The following CNKSR2 variants were observed in gnomAD, a reference collection of about 807,000 sequenced individuals.
The protein encoded by CNKSR2 is connector enhancer of kinase suppressor of Ras 2.
Under a neutral mutation model 84.4 loss-of-function variants are expected in CNKSR2, and 14 were observed. The ratio of observed to expected loss-of-function variants is 0.17; its 90% confidence interval spans 0.11 to 0.26. The LOEUF (loss-of-function observed/expected upper bound fraction) is 0.26. Among genes scored for constraint, CNKSR2 ranks in the 10% least tolerant of loss-of-function variants. CNKSR2 has a pLI of 1.00. For synonymous variants in CNKSR2, 275 were observed against 277.9 expected, an observed-to-expected ratio of 0.99 and a Z score of 0.10; for missense variants, 485 against 771.2, an observed-to-expected ratio of 0.63 and a Z score of 4.40.
At chrX:21,621,169 A>T (rs1390039990) in intron 20 of CNKSR2, among the ~76,000 whole-genome samples, 2 of 110,221 alleles carry the variant, frequency 1.8e-5, no homozygotes, top group Non-Finnish European at 3.8e-5. Context: ...CCTCATCTGG[A>T]CTCCTTGTTT....
At position 21,440,698 on chromosome X, in the gene CNKSR2, C is replaced by G. The variant is rs2090771770; in HGVS notation, c.436C>G (p.Pro146Ala). 2.6e-6 allele frequency: 3 copies of G among 1,169,049 alleles called. No homozygotes were observed. The highest frequency in any genetic ancestry group is 2.3e-5 in the Admixed American group (1 of 43,403). The change falls in exon 4 of 22, where the codon CCA becomes GCA. Residue 146 changes from proline (P) to alanine (A), a missense_variant. Physicochemically the swap from Pro to Ala is conservative, Grantham distance 27 (BLOSUM62 -1). Coordinates refer to ENST00000379510, the MANE Select transcript of CNKSR2 (RefSeq NM_014927.5). ...KSLLAWLDRSPFAAVTDYSVT... is the reference protein window; with the variant it reads ...KSLLAWLDRSAFAAVTDYSVT... ...ATTTTCCTTTTCCCTTTATAGGTCA[C>G]CATTTGCTGCTGTGACAGACTATTC... is the stretch of plus-strand genomic sequence containing the variant.
chrX:21,390,449 G>T (rs1204397359), intron 1 of CNKSR2, among the ~76,000 whole-genome samples: 4 of 111,228 alleles, frequency 3.6e-5, no homozygotes, highest in African/African-American at 9.8e-5. Context: ...GGAAGGTGAA[G>T]GGGAAGCAGG....
At chrX:21,439,303 C>T (rs1049347573) in intron 3 of CNKSR2, among the ~76,000 whole-genome samples, 6 of 111,174 alleles carry the variant, frequency 5.4e-5, no homozygotes, top group African/African-American at 2.0e-4. Flanking sequence ...AAAAGTAATA[C>T]ATTGAACAGA....
At chrX:21,599,169 C>G (rs2092466609) in intron 17 of CNKSR2, among the ~76,000 whole-genome samples, 1 of 112,283 alleles carries the variant, frequency 8.9e-6, no homozygotes, top group South Asian at 3.6e-4. Context: ...TTATTTATTT[C>G]CGTATCCCTA....
intron 21 of CNKSR2, among the ~76,000 whole-genome samples, chrX:21,649,408 A>T (rs781260504): frequency 1.8e-5 from 2 of 112,493 alleles, no homozygotes; most frequent in African/African-American, 6.5e-5. Flanking sequence ...TGCAGAATAC[A>T]ATAGTGGGTG....
chrX:21,505,457 A>G (rs2091603385), intron 8 of CNKSR2: 1 of 111,492 alleles, frequency 9.0e-6, no homozygotes, highest in South Asian at 3.8e-4. Flanking sequence ...TTAGTGAGAG[A>G]TGGAAGATAA....
At chrX:21,455,515 A>G (rs980556031) in intron 4 of CNKSR2, among the ~76,000 whole-genome samples, 1 of 112,164 alleles carries the variant, frequency 8.9e-6, no homozygotes, top group African/African-American at 3.2e-5. Context: ...CCATTCTGTA[A>G]TGAAGATTAC....
At chrX:21,411,903 C>T (rs2090351006) in intron 1 of CNKSR2, among the ~76,000 whole-genome samples, 1 of 111,453 alleles carries the variant, frequency 9.0e-6, no homozygotes, top group East Asian at 2.8e-4. Flanking sequence ...TCTTTACTCC[C>T]TAGAATAATG....
Position 21,561,339 on chromosome X carries a change from C to G in CNKSR2, c.1304-132C>G, listed in dbSNP as rs1308127753. 5 of 538,439 alleles carry G rather than the reference C, an allele frequency of 9.3e-6. No homozygotes were observed. In the African/African-American group the frequency reaches 9.5e-5, roughly 10 times the overall value. The allele number at this position is 538,439 out of a possible 1,213,427, so 44.4% of individuals were successfully genotyped here. On this transcript the variant is annotated intron_variant, in intron 11 of 21. Transcript: ENST00000379510. ...CTGGCTCAAAACACATTTTCTCCAT[C>G]TACACAAATGCCAACCATAATGTTG...
At position 21,426,680 on chromosome X, in the gene CNKSR2, G is replaced by T; in HGVS notation, c.228+20G>T. 13 of 1,164,187 alleles carry T rather than the reference G, an allele frequency of 1.1e-5. No homozygotes were observed. The highest frequency in any genetic ancestry group is 1.4e-5 in the Non-Finnish European group (12 of 877,351). The stretch of plus-strand genomic sequence containing the variant: ...GCATTGGTAAGGACATAAAACTGGT[G>T]AAGAGGGAAACTTCTCTTTTTCTTC... On this transcript the variant is annotated intron_variant, in intron 2 of 21. Transcript: ENST00000379510.
At chrX:21,501,497 C>T (rs367989603) in intron 7 of CNKSR2, 23 bp from the exon 8 acceptor site, 50 of 1,043,033 alleles carry the variant, frequency 4.8e-5, no homozygotes, top group Non-Finnish European at 6.2e-5. Flanking sequence ...TGTTCTTTAT[C>T]GTTTCTTTTA....
At chrX:21,406,073 G>A (rs1387490227) in intron 1 of CNKSR2, among the ~76,000 whole-genome samples, 1 of 110,968 alleles carries the variant, frequency 9.0e-6, no homozygotes, top group Non-Finnish European at 1.9e-5. Context: ...TAGGAAAATG[G>A]GCGGCACAGC....
At chrX:21,472,117 A>G (rs943572823) in intron 5 of CNKSR2, among the ~76,000 whole-genome samples, 2 of 111,495 alleles carry the variant, frequency 1.8e-5, no homozygotes, top group African/African-American at 6.5e-5. Flanking sequence ...AAATTGTACT[A>G]TCTTTTTTCC....
chrX:21,627,549 T>TA (rs1370531029), intron 20 of CNKSR2, among the ~76,000 whole-genome samples: 1 of 111,453 alleles, frequency 9.0e-6, no homozygotes, highest in Non-Finnish European at 1.9e-5. Context: ...TTAATGGACT[T>TA]ACAGTGCCAC....
At chrX:21,448,577 A>G (rs1369086995) in intron 4 of CNKSR2, among the ~76,000 whole-genome samples, 4 of 112,143 alleles carry the variant, frequency 3.6e-5, no homozygotes, top group African/African-American at 9.7e-5. Flanking sequence ...CAAATAAATT[A>G]TAGTTACTAT....
At chrX:21,544,989 CAGG>C (rs757780972) in intron 11 of CNKSR2, among the ~76,000 whole-genome samples, 3 of 111,405 alleles carry the variant, frequency 2.7e-5, no homozygotes, top group African/African-American at 9.8e-5. Context: ...AAGCTAGCTG[CAGG>C]AGTTTTTTCC....
intron 11 of CNKSR2, among the ~76,000 whole-genome samples, chrX:21,549,128 A>G (rs987662964): frequency 1.8e-5 from 2 of 112,572 alleles, no homozygotes; most frequent in Non-Finnish European, 3.7e-5. Flanking sequence ...GAAGAAGTCA[A>G]TTTGTCCCTG....
intron 4 of CNKSR2, among the ~76,000 whole-genome samples, chrX:21,446,768 A>G (rs1319907234): frequency 8.9e-6 from 1 of 111,775 alleles, no homozygotes; most frequent in African/African-American, 3.2e-5. Context: ...TACTAAACTC[A>G]TCAATTCCTT....
chrX:21,495,844 C>A (rs967962893), intron 6 of CNKSR2, among the ~76,000 whole-genome samples: 18 of 89,329 alleles, frequency 2.0e-4, no homozygotes. Context: ...TACTCTCTAG[C>A]TCTTACAAAT....
Sources: gnomAD v4.1 joint callset for allele counts (sites outside exome capture counted in the v4.1 genomes callset) on GRCh38, gnomAD v4.1.1 for gene constraint, MANE v1.5 for transcripts, NCBI Gene and HGNC (gene_info 2026-07-23, HGNC 2026-07-21) for gene names.